PLB1: variants seen among roughly 807,000 people sequenced by gnomAD.
The protein encoded by PLB1 is phospholipase B1, also known as phospholipase B1, membrane-associated.
A neutral mutation model predicts 227.4 loss-of-function variants in PLB1; 242 were observed. The ratio of observed to expected loss-of-function variants is 1.06; its 90% CI spans 0.96 to 1.18. The LOEUF is 1.18. PLB1 is among the 50% of genes most tolerant of loss of function. The pLI is 0.00. For missense variants in PLB1, 1,858 were observed against 1,816.3 expected (o/e 1.02, Z -0.42); for synonymous variants, 757 against 682.2 (o/e 1.11, Z -1.71).
At chr2:28,519,019 C>T (rs1308696235) in intron 3 of PLB1, among the ~76,000 whole-genome samples, 1 of 152,166 alleles carries the variant, frequency 6.6e-6, no homozygotes, top group Non-Finnish European at 1.5e-5. Flanking sequence ...GTTAAGCATG[C>T]TATTCTTACT....
At chr2:28,527,938 C>G (rs1465283438) in intron 6 of PLB1, among the ~76,000 whole-genome samples, 1 of 152,218 alleles carries the variant, frequency 6.6e-6, no homozygotes. Context: ...GTACCCCTCA[C>G]CCATGCACAC....
rs139154097 is a variant in PLB1, at chr2:28,634,633, C to T, written c.4098+1594C>T. On this transcript the variant is annotated intron_variant, in intron 56 of 57. Coordinates refer to ENST00000327757, the MANE Select transcript of PLB1 (RefSeq NM_153021.5). ...AATTAACAATGTAGCTCTGGCCAGG[C>T]ACGGTGGCTCATGCCTGTAATCCCA... is the stretch of plus-strand genomic sequence containing the variant. Among the ~76,000 whole-genome samples, 477 of 152,204 alleles carry T rather than the reference C, an allele frequency of 3.1e-3. 9 individuals carry two copies. The highest frequency in any genetic ancestry group is 0.025 in the Admixed American group (388 of 15,284).
Position 28,578,118 on chromosome 2 carries a change from T to A in PLB1, c.1445T>A (p.Val482Asp), listed in dbSNP as rs1361652657. Reference protein sequence around the residue: ...VAGGRAEDLPVQARRLVDLMK... With the variant: ...VAGGRAEDLPDQARRLVDLMK... The stretch of plus-strand genomic sequence containing the variant: ...GTATGTTTCCACAGGGATCTACCTG[T>A]CCAGGCCAGGAGGCTGGTGGACCTG... The change falls in exon 22 of 58, where the codon GTC becomes GAC. Residue 482 changes from valine (V) to aspartate (D), a missense_variant. Val to Asp is a radical substitution (Grantham distance 152). Coordinates refer to ENST00000327757, the MANE Select transcript of PLB1 (RefSeq NM_153021.5). The A allele has an allele frequency of 1.3e-5, 21 of 1,614,000 alleles. No homozygotes were observed. The highest frequency in any genetic ancestry group is 1.8e-5 in the Non-Finnish European group (21 of 1,179,990).
intron 32 of PLB1, among the ~76,000 whole-genome samples, chr2:28,593,366 ACT>A (rs1313004581): frequency 6.6e-6 from 1 of 152,078 alleles, no homozygotes; most frequent in Admixed American, 6.6e-5. Context: ...CATTATTAAC[ACT>A]CTCTCACGTT....
chr2:28,496,597 G>A (rs1666470183), intron 1 of PLB1, among the ~76,000 whole-genome samples: 1 of 152,062 alleles, frequency 6.6e-6, no homozygotes, highest in Non-Finnish European at 1.5e-5. Context: ...TTTTGTTTTT[G>A]AAGGACAAAG....
rs999958214 is a variant in PLB1, at chr2:28,548,463, A to T, written c.937-397A>T. ...AGAAAGCTGTGTGACCCATTGCTAGATGTTTGGTTGGATGCAGGACACCAA... is the reference window on the plus strand; with the variant it reads ...AGAAAGCTGTGTGACCCATTGCTAGTTGTTTGGTTGGATGCAGGACACCAA... On this transcript the variant is annotated intron_variant, in intron 14 of 57. Coordinates refer to ENST00000327757, the MANE Select transcript of PLB1 (RefSeq NM_153021.5). 3.7e-5 allele frequency: 16 copies of T among 437,922 alleles called. No homozygotes were observed. The Admixed American group carries it at 4.3e-4, about 12-fold the overall frequency. The allele number at this position is 437,922 out of a possible 1,614,324, so 27.1% of individuals were successfully genotyped here.
chr2:28,548,585 C>CTATATA lies in PLB1; in HGVS notation c.937-264_937-259dup, dbSNP rs35161547. On this transcript the variant is annotated intron_variant, in intron 14 of 57. Coordinates refer to ENST00000327757, the MANE Select transcript of PLB1 (RefSeq NM_153021.5). ...GGAGAGGTAGACTAGGAAGTCCCTT[C>CTATATA]TATATATATATATATAAAACCGATG... 5.8e-4 allele frequency: 265 copies of CTATATA among 454,210 alleles called. 3 individuals are homozygous for CTATATA. The highest frequency in any genetic ancestry group is 3.8e-4 in the Middle Eastern group (1 of 2,648). 28.1% of individuals were successfully genotyped at this position (454,210 alleles called of 1,614,324 possible). A position where few individuals can be genotyped will look rare whatever the true frequency, so the allele number is the denominator to read the frequency against.
In PLB1 at chr2:28,585,765, C is replaced by G. The variant is rs370530699; in HGVS notation, c.1738C>G (p.Leu580Val). 2.4e-5 allele frequency: 38 copies of G among 1,604,598 alleles called. No homozygotes were observed. In the African/African-American group the frequency reaches 4.8e-4, roughly 20 times the overall value. ...TCTCTTTGGTTTGGTCTACAGGTCT[C>G]TGTGTCCCTGTGTCCTGAAGTTTGA... ...VYCPRMILRS[L>V]CPCVLKFDDN... Residue 580 changes from leucine to valine, a missense_variant, in exon 26 of 58, where the codon CTG (leucine) becomes GTG (valine). Transcript: ENST00000327757.
At position 28,539,171 on chromosome 2, in the gene PLB1, T is replaced by A. The variant is rs1205682285; in HGVS notation, c.691T>A (p.Trp231Arg). Residue 231 changes from tryptophan (W) to arginine (R), a missense_variant, in exon 11 of 58, where the codon TGG becomes AGG. Coordinates refer to ENST00000327757, the MANE Select transcript of PLB1 (RefSeq NM_153021.5). ...GGTCTCTCGTCAGTATCACGGCACT[T>A]GGCTCAGGTAAAAGGGGAAGTGGAA... ...AEVSRQYHGTWLSPAPEPCNC... is the reference protein window; with the variant it reads ...AEVSRQYHGTRLSPAPEPCNC... 1.2e-6 allele frequency: 2 copies of A among 1,613,160 alleles called. No homozygotes were observed. The highest frequency in any genetic ancestry group is 1.7e-6 in the Non-Finnish European group (2 of 1,179,192).
At chr2:28,596,215 T>G (rs1001814671) in intron 33 of PLB1, among the ~76,000 whole-genome samples, 3 of 152,126 alleles carry the variant, frequency 2.0e-5, no homozygotes, top group African/African-American at 7.2e-5. Context: ...ATAAATTGAG[T>G]GTAACATAAA....
chr2:28,602,057 C>T (rs1451488354), intron 38 of PLB1, 93 bp downstream of exon 38: 4 of 1,243,466 alleles, frequency 3.2e-6, no homozygotes, highest in Non-Finnish European at 4.7e-6. Flanking sequence ...ACCCCTTTCT[C>T]TCAAGGAGAC....
intron 43 of PLB1, among the ~76,000 whole-genome samples, chr2:28,613,265 G>A (rs1685740958): frequency 1.3e-5 from 2 of 152,154 alleles, no homozygotes; most frequent in South Asian, 2.1e-4. Flanking sequence ...CACATTTTCA[G>A]ACCATGGGCT....
In PLB1 at chr2:28,578,174, G is replaced by A; in HGVS notation, c.1485+16G>A. ...GAATGACACGGTGGGTCCCTGGGAT[G>A]GGAAGTAGGCAGGAAAAATCCCTGG... On this transcript the variant is annotated intron_variant, in intron 22 of 57. Transcript: ENST00000327757. 1 of 1,613,326 alleles carries A rather than the reference G, an allele frequency of 6.2e-7. No individual in the cohort carries two copies. The highest frequency in any genetic ancestry group is 1.3e-5 in the African/African-American group (1 of 75,056).
At chr2:28,525,642 C>G (rs922799728) in intron 5 of PLB1, among the ~76,000 whole-genome samples, 4 of 152,094 alleles carry the variant, frequency 2.6e-5, no homozygotes, top group Admixed American at 2.6e-4. Context: ...CTCATTCTAC[C>G]CTGGGGTCAG....
intron 21 of PLB1, among the ~76,000 whole-genome samples, chr2:28,575,360 A>T (rs1263900546): frequency 6.6e-6 from 1 of 152,056 alleles, no homozygotes. Flanking sequence ...TGATGGGATT[A>T]TTTGGATTTT....
At chr2:28,515,746 C>T (rs906341708) in intron 1 of PLB1, among the ~76,000 whole-genome samples, 33 of 152,252 alleles carry the variant, frequency 2.2e-4, no homozygotes, top group African/African-American at 6.3e-4. Flanking sequence ...GTTCTTGTAT[C>T]GCATGCGCTT....
intron 26 of PLB1, among the ~76,000 whole-genome samples, chr2:28,587,514 G>A (rs1681103910): frequency 6.6e-6 from 1 of 152,132 alleles, no homozygotes; most frequent in Non-Finnish European, 1.5e-5. Context: ...GGAGGCTGAG[G>A]TGGGAGGATC....
At chr2:28,542,619 C>T (rs761375839) in intron 13 of PLB1, among the ~76,000 whole-genome samples, 33 of 152,178 alleles carry the variant, frequency 2.2e-4, no homozygotes, top group Admixed American at 5.9e-4. Context: ...GTCCCTCCCC[C>T]TGCACGCTCC....
chr2:28,527,148 A>G (rs566262836), intron 6 of PLB1, among the ~76,000 whole-genome samples: 3 of 152,184 alleles, frequency 2.0e-5, no homozygotes, highest in Non-Finnish European at 2.9e-5. Flanking sequence ...CTGAAGCCAC[A>G]AATGCAGATG....
Sources: gnomAD v4.1 joint callset for allele counts (sites outside exome capture counted in the v4.1 genomes callset) on GRCh38, gnomAD v4.1.1 for gene constraint, MANE v1.5 for transcripts, NCBI Gene and HGNC (gene_info 2026-07-23, HGNC 2026-07-21) for gene names.